The following RIN3 variants were observed in gnomAD, a reference collection of about 807,000 sequenced individuals.
RIN3 encodes Ras and Rab interactor 3.
RIN3 carries 54 observed loss-of-function variants against 76.3 expected under a neutral mutation model. The observed-to-expected ratio is 0.71, with a 90% CI of 0.57 to 0.89. RIN3 has a LOEUF of 0.89. Among genes scored for constraint, RIN3 ranks in the 40% least tolerant of loss-of-function variants. The probability of loss-of-function intolerance (pLI) is 0.00; values close to 1 mark genes in which losing one functional copy is unlikely to be tolerated. For missense variants in RIN3, 1,256 were observed against 1,322.1 expected (o/e 0.95, Z 0.78); for synonymous variants, 576 against 564.0 (o/e 1.02, Z -0.30).
Position 92,652,844 on chromosome 14 carries a change from C to T in RIN3, c.1795C>T (p.Arg599Cys), listed in dbSNP as rs374091561. 8.1e-6 allele frequency: 13 copies of T among 1,614,098 alleles called. No homozygotes were observed. Among genetic ancestry groups the T allele is most frequent in the South Asian group, 1.1e-5 (1 of 91,084 alleles). Residue 599 changes from arginine to cysteine, a missense_variant, in exon 6 of 10, where the codon CGC becomes TGC. Physicochemically the swap from Arg to Cys is radical, Grantham distance 180. Transcript: ENST00000216487. The surrounding 1 kb of genome is among the most constrained non-coding windows in gnomAD (Gnocchi z 6.4). ...GTTCCACGCTTTCCTCTCCAACAAC[C>T]GCAAGCTGTACAAGAAGGTGGTGGA... ...SMFHAFLSNN[R>C]KLYKKVVELA...
chr14:92,526,521 A>C (rs969724202), intron 1 of RIN3, among the ~76,000 whole-genome samples: 1 of 152,004 alleles, frequency 6.6e-6, no homozygotes, highest in African/African-American at 2.4e-5. Context: ...TTGGGAGGCC[A>C]AGACGGATGG....
At position 92,652,807 on chromosome 14, in the gene RIN3, T is replaced by C; in HGVS notation, c.1758T>C (p.Ser586=). 6.2e-7 allele frequency: 1 copy of C among 1,613,978 alleles called. No individual in the cohort carries two copies. Among genetic ancestry groups the C allele is most frequent in the Admixed American group, 1.7e-5 (1 of 60,030 alleles). The part of the protein sequence containing the change: ...GKARHRLSFA[S]FSSMFHAFLS... Reference sequence around the variant, plus strand: ...CTCGGCACCGGCTGAGCTTTGCCAGTTTCAGCAGCATGTTCCACGCTTTCC... The same window carrying C: ...CTCGGCACCGGCTGAGCTTTGCCAGCTTCAGCAGCATGTTCCACGCTTTCC... Residue 586 remains serine, a synonymous_variant, in exon 6 of 10, where the codon AGT becomes AGC. Coordinates refer to ENST00000216487, the MANE Select transcript of RIN3 (RefSeq NM_024832.5). This position sits in a 1 kb window ranked among gnomAD's most constrained non-coding sequence, Gnocchi z 6.4.
At chr14:92,575,702 T>C (rs1898204527) in intron 2 of RIN3, among the ~76,000 whole-genome samples, 1 of 152,044 alleles carries the variant, frequency 6.6e-6, no homozygotes, top group Admixed American at 6.5e-5. Context: ...TAATGAGCAG[T>C]GAGGACGACC....
At chr14:92,535,892 A>G (rs1403325454) in intron 1 of RIN3, among the ~76,000 whole-genome samples, 3 of 150,432 alleles carry the variant, frequency 2.0e-5, no homozygotes, top group East Asian at 3.9e-4. Context: ...CATGTTGGTC[A>G]GGCTGGAACT....
chr14:92,561,519 T>C (rs1897778421), intron 2 of RIN3, among the ~76,000 whole-genome samples: 3 of 152,028 alleles, frequency 2.0e-5, no homozygotes, highest in Non-Finnish European at 4.4e-5. Context: ...TAGAATAGTT[T>C]TAGATTTACA....
At chr14:92,620,601 A>G (rs1886138982) in intron 4 of RIN3, among the ~76,000 whole-genome samples, 1 of 152,198 alleles carries the variant, frequency 6.6e-6, no homozygotes, top group Non-Finnish European at 1.5e-5. Context: ...TCCACTAGGA[A>G]CTAAAAAAAA....
At chr14:92,624,849 C>T (rs975071338) in intron 4 of RIN3, among the ~76,000 whole-genome samples, 4 of 152,144 alleles carry the variant, frequency 2.6e-5, no homozygotes, top group South Asian at 2.1e-4. Flanking sequence ...CTGGAGGGGG[C>T]GGTGCTTTCT....
At chr14:92,516,868 A>G (rs1417949406) in intron 1 of RIN3, among the ~76,000 whole-genome samples, 1 of 152,214 alleles carries the variant, frequency 6.6e-6, no homozygotes, top group Non-Finnish European at 1.5e-5. Flanking sequence ...CAGGAGATAC[A>G]GAAATCAAAA....
At chr14:92,604,586 C>T (rs530134925) in intron 3 of RIN3, among the ~76,000 whole-genome samples, 1 of 152,098 alleles carries the variant, frequency 6.6e-6, no homozygotes, top group Non-Finnish European at 1.5e-5. Flanking sequence ...GGTGTCCAAG[C>T]CTTCCTTGTG....
intron 1 of RIN3, among the ~76,000 whole-genome samples, chr14:92,517,096 CT>C (rs1192457134): frequency 6.6e-6 from 1 of 152,180 alleles, no homozygotes; most frequent in African/African-American, 2.4e-5. Context: ...CTGTAACCCC[CT>C]GGAAGATTCC....
At chr14:92,553,116 A>G (rs35791550) in intron 1 of RIN3, among the ~76,000 whole-genome samples, 24,106 of 151,466 alleles carry the variant, frequency 0.16, 2,272 homozygotes, top group Middle Eastern at 0.25. Context: ...CCCAGTCCCC[A>G]TTGCACAGAT....
intron 3 of RIN3, among the ~76,000 whole-genome samples, chr14:92,578,579 A>T (rs573021695): frequency 1.3e-5 from 2 of 152,364 alleles, no homozygotes; most frequent in African/African-American, 4.8e-5. Flanking sequence ...TTATTACTCA[A>T]ATCAGCCTCC....
chr14:92,614,088 C>A (rs1415005506), intron 3 of RIN3, among the ~76,000 whole-genome samples: 1 of 152,252 alleles, frequency 6.6e-6, no homozygotes, highest in African/African-American at 2.4e-5. Flanking sequence ...CAGCTGCAGG[C>A]ACTGACGGTG....
chr14:92,624,623 G>A (rs1206898718), intron 4 of RIN3, among the ~76,000 whole-genome samples: 1 of 152,114 alleles, frequency 6.6e-6, no homozygotes, highest in Non-Finnish European at 1.5e-5. Flanking sequence ...CTCTGCTGCT[G>A]CAAGCTGTCT....
At chr14:92,603,887 C>A (rs1885433810) in intron 3 of RIN3, among the ~76,000 whole-genome samples, 1 of 152,254 alleles carries the variant, frequency 6.6e-6, no homozygotes, top group African/African-American at 2.4e-5. Flanking sequence ...AAATCGCTAT[C>A]TTCCCCACTT....
chr14:92,534,602 AAAAG>A (rs150558567), intron 1 of RIN3, among the ~76,000 whole-genome samples: 7,588 of 150,554 alleles, frequency 0.05, 595 homozygotes, highest in African/African-American at 0.18. Context: ...AAAAAAAACA[AAAAG>A]AAAGAAAGAA....
intron 4 of RIN3, among the ~76,000 whole-genome samples, chr14:92,625,418 T>C (rs760624720): frequency 2.0e-5 from 3 of 152,218 alleles, no homozygotes; most frequent in Non-Finnish European, 2.9e-5. Context: ...TCCTGTTGTC[T>C]GAGTCAGTGT....
chr14:92,653,505 T>C (rs1887551935), intron 6 of RIN3, among the ~76,000 whole-genome samples: 1 of 152,202 alleles, frequency 6.6e-6, no homozygotes, highest in Admixed American at 6.5e-5. Context: ...CTCTGTCTTC[T>C]GAGAGTCTCC....
rs35445407 is a variant in RIN3 at position 92,618,035 on chromosome 14, G to C, written c.440+2556G>C. Among the ~76,000 whole-genome samples the C allele has an allele frequency of 5.3e-5, 8 of 152,306 alleles. No homozygotes were observed. The South Asian group carries it at 1.0e-3, about 20-fold the overall frequency. On this transcript the variant is annotated intron_variant, in intron 4 of 9. Coordinates refer to ENST00000216487, the MANE Select transcript of RIN3 (RefSeq NM_024832.5). ...CTTTAACCTGTGATGTGGGTTAAGA[G>C]AAATGAACCAATGTTTCGTTTCTGA...
Sources: gnomAD v4.1 joint callset for allele counts (sites outside exome capture counted in the v4.1 genomes callset) on GRCh38, gnomAD v4.1.1 for gene constraint, Gnocchi (gnomAD v3.1) non-coding constraint, MANE v1.5 for transcripts, NCBI Gene and HGNC (gene_info 2026-07-23, HGNC 2026-07-21) for gene names.